SORL1: variants seen among roughly 807,000 people sequenced by gnomAD.
The protein encoded by SORL1 is sortilin-related receptor.
A neutral mutation model predicts 273.7 loss-of-function variants in SORL1; 127 were observed. The ratio of observed to expected loss-of-function variants is 0.46; its 90% confidence interval spans 0.40 to 0.54. The LOEUF (loss-of-function observed/expected upper bound fraction) is 0.54, where lower values mean the gene tolerates loss of function less well. SORL1 is among the 20% of genes least tolerant of loss of function. The probability of loss-of-function intolerance (pLI) is 0.00; values close to 1 mark genes in which losing one functional copy is unlikely to be tolerated. For synonymous variants in SORL1, 1,031 were observed against 1,067.4 expected (o/e 0.97, Z 0.66); for missense variants, 2,494 against 2,846.1 (o/e 0.88, Z 2.81).
intron 22 of SORL1, among the ~76,000 whole-genome samples, chr11:121,569,910 C>T (rs1405894867): frequency 6.6e-6 from 1 of 152,098 alleles, no homozygotes; most frequent in Non-Finnish European, 1.5e-5. Context: ...GTGATGTCTC[C>T]CCAGACACCC....
intron 12 of SORL1, among the ~76,000 whole-genome samples, chr11:121,537,725 C>T (rs1862286640): frequency 6.6e-6 from 1 of 152,142 alleles, no homozygotes; most frequent in Non-Finnish European, 1.5e-5. Context: ...TTCCATTTTA[C>T]TTTGGGACAG....
intron 6 of SORL1, among the ~76,000 whole-genome samples, chr11:121,508,560 G>C (rs1796152248): frequency 6.6e-6 from 1 of 152,156 alleles, no homozygotes; most frequent in South Asian, 2.1e-4. Flanking sequence ...GCCTTCCTGT[G>C]AGCCCCCAGA....
intron 3 of SORL1, among the ~76,000 whole-genome samples, chr11:121,485,569 T>C (rs554441076): frequency 1.6e-4 from 25 of 152,322 alleles, no homozygotes; most frequent in African/African-American, 5.5e-4. Flanking sequence ...TGAAAACGTT[T>C]AGCTATTACC....
chr11:121,549,920 A>T (rs373371263), intron 14 of SORL1, 40 bp from the exon 15 acceptor site: 2 of 1,605,962 alleles, frequency 1.2e-6, no homozygotes, highest in East Asian at 2.2e-5. Context: ...CCTGAAATGT[A>T]TAAAACCGTG....
chr11:121,606,738 C>T, intron 35 of SORL1, 107 bp from the exon 36 acceptor site: 1 of 754,010 alleles, frequency 1.3e-6, no homozygotes, highest in South Asian at 1.6e-5. Flanking sequence ...TGGATAGTCT[C>T]AATGCCGGCT....
intron 32 of SORL1, among the ~76,000 whole-genome samples, chr11:121,600,476 A>G (rs1863372194): frequency 6.6e-6 from 1 of 152,226 alleles, no homozygotes; most frequent in Admixed American, 6.5e-5. Flanking sequence ...AAATGACAGT[A>G]GGAACATCTG....
intron 21 of SORL1, among the ~76,000 whole-genome samples, chr11:121,565,006 G>A (rs1257934340): frequency 1.3e-5 from 2 of 152,160 alleles, no homozygotes; most frequent in Admixed American, 1.3e-4. Context: ...CATGAGTGGT[G>A]GCTCTATGTC....
At position 121,622,151 on chromosome 11, in the gene SORL1, T is replaced by G. The variant is rs761896515; in HGVS notation, c.6065-11T>G. ...CCACTAACCGCATCCCATCTCATCT[T>G]TAATTTTCAGTTTCATTATCAGCAC... On this transcript the variant is annotated splice_polypyrimidine_tract_variant and intron_variant, in intron 44 of 47. Transcript: ENST00000260197. 8.6e-6 allele frequency: 13 copies of G among 1,503,154 alleles called. No homozygotes were observed. The South Asian group carries it at 1.4e-4, about 16-fold the overall frequency. 93.1% of individuals were successfully genotyped at this position (1,503,154 alleles called of 1,614,324 possible). A position where few individuals can be genotyped will look rare whatever the true frequency, so the allele number is the denominator to read the frequency against.
chr11:121,486,016 A>G (rs1350462759), intron 3 of SORL1, among the ~76,000 whole-genome samples: 2 of 152,218 alleles, frequency 1.3e-5, no homozygotes, highest in Non-Finnish European at 2.9e-5. Flanking sequence ...CACATCTGAA[A>G]GCAGCATGAG....
At chr11:121,455,885 C>T (rs2134761801) in intron 1 of SORL1, among the ~76,000 whole-genome samples, 1 of 151,720 alleles carries the variant, frequency 6.6e-6, no homozygotes, top group East Asian at 2.0e-4. Flanking sequence ...CCTGGCTACT[C>T]AAGAGGCTGA....
chr11:121,607,071 C>T (rs758448899), intron 36 of SORL1, 114 bp downstream of exon 36: 8 of 1,002,426 alleles, frequency 8.0e-6, no homozygotes, highest in Admixed American at 3.7e-5. Context: ...ATGACCCATC[C>T]GTCAGAACAT....
chr11:121,479,030 G>A (rs1448454537), intron 3 of SORL1, among the ~76,000 whole-genome samples: 1 of 152,110 alleles, frequency 6.6e-6, no homozygotes, highest in African/African-American at 2.4e-5. Context: ...GTACCTGCGT[G>A]CGTGTGTTGG....
chr11:121,524,985 G>A (rs1268958002), intron 11 of SORL1, among the ~76,000 whole-genome samples: 8 of 152,110 alleles, frequency 5.3e-5, no homozygotes, highest in African/African-American at 2.4e-5. Context: ...TATTGAAGCA[G>A]ATAAGGGGAC....
chr11:121,537,154 G>A (rs1862278864), intron 12 of SORL1, among the ~76,000 whole-genome samples: 5 of 152,190 alleles, frequency 3.3e-5, no homozygotes, highest in Admixed American at 3.3e-4. Context: ...TTTCCAGGTG[G>A]GAAGTAGTGA....
intron 8 of SORL1, among the ~76,000 whole-genome samples, chr11:121,516,352 AG>A (rs1479066686): frequency 6.6e-6 from 1 of 152,184 alleles, no homozygotes; most frequent in Non-Finnish European, 1.5e-5. Context: ...AGATGGGACG[AG>A]GGGTACGAAA....
chr11:121,514,487 T>A (rs1449072344), intron 8 of SORL1, among the ~76,000 whole-genome samples, 166 bp downstream of exon 8: 1 of 152,152 alleles, frequency 6.6e-6, no homozygotes, highest in Non-Finnish European at 1.5e-5. Flanking sequence ...TGGGATGGGT[T>A]TGGGGTGTGG....
intron 32 of SORL1, among the ~76,000 whole-genome samples, chr11:121,601,496 A>C (rs1863390527): frequency 6.6e-6 from 1 of 151,086 alleles, no homozygotes; most frequent in South Asian, 2.1e-4. Flanking sequence ...TGGTTGAACT[A>C]GTTTACAGTC....
At chr11:121,499,238 T>G (rs1291845948) in intron 6 of SORL1, among the ~76,000 whole-genome samples, 4 of 152,204 alleles carry the variant, frequency 2.6e-5, no homozygotes, top group Non-Finnish European at 5.9e-5. Flanking sequence ...TATATGCTGT[T>G]GGTGGCAAAA....
intron 9 of SORL1, among the ~76,000 whole-genome samples, chr11:121,521,644 C>A (rs975007550): frequency 2.0e-5 from 3 of 152,152 alleles, no homozygotes; most frequent in African/African-American, 7.2e-5. Flanking sequence ...GACTTCCTTG[C>A]AGGCAGAGAA....
Sources: allele counts gnomAD v4.1 joint callset (sites outside exome capture counted in the v4.1 genomes callset), GRCh38; gene constraint gnomAD v4.1.1; transcripts MANE v1.5; gene names NCBI Gene and HGNC (gene_info 2026-07-23, HGNC 2026-07-21).